LHFPL3: variants seen among roughly 807,000 people sequenced by gnomAD.
LHFPL3 encodes the protein LHFPL tetraspan subfamily member 3 protein.
A neutral mutation model predicts 19.3 loss-of-function variants in LHFPL3; 5 were observed. That is an observed-to-expected ratio of 0.26 (90% CI 0.14 to 0.54). The LOEUF (loss-of-function observed/expected upper bound fraction) is 0.54, where lower values mean the gene tolerates loss of function less well. LHFPL3 is among the 20% of genes least tolerant of loss of function. The probability of loss-of-function intolerance (pLI) is 0.94; values close to 1 mark genes in which losing one functional copy is unlikely to be tolerated. For missense variants in LHFPL3, 249 were observed against 307.4 expected (o/e 0.81, Z 1.42); for synonymous variants, 133 against 126.2 (o/e 1.05, Z -0.36).
chr7:104,868,306 A>G (rs1562820096), intron 2 of LHFPL3, among the ~76,000 whole-genome samples: 1 of 152,210 alleles, frequency 6.6e-6, no homozygotes, highest in Non-Finnish European at 1.5e-5. Flanking sequence ...TTTGCAGATG[A>G]CATGATTGTA....
At chr7:104,418,370 A>G (rs1756224616) in intron 1 of LHFPL3, among the ~76,000 whole-genome samples, 1 of 152,126 alleles carries the variant, frequency 6.6e-6, no homozygotes, top group South Asian at 2.1e-4. Flanking sequence ...CCATCTCTAT[A>G]AAAATTTAAA....
At chr7:104,699,206 G>A (rs143431854) in intron 1 of LHFPL3, among the ~76,000 whole-genome samples, 1 of 152,180 alleles carries the variant, frequency 6.6e-6, no homozygotes, top group Non-Finnish European at 1.5e-5. Context: ...TCCAAAAGAA[G>A]TGAAAGTAGG....
At chr7:104,567,663 A>C (rs1790149484) in intron 1 of LHFPL3, among the ~76,000 whole-genome samples, 1 of 152,232 alleles carries the variant, frequency 6.6e-6, no homozygotes, top group Non-Finnish European at 1.5e-5. Flanking sequence ...TCCACAGTGA[A>C]GAAAATGATG....
rs1333320174 is a variant in LHFPL3 at position 104,736,840 on chromosome 7, C to T, written c.611C>T (p.Ser204Leu). ...IIGILDALIL[S>L]FLAFVLGNRQ... is the part of the protein sequence containing the mutation. ...GGAATTTTGGATGCCCTGATCCTCT[C>T]ATTTCTAGCATTTGTGCTTGGTAAT... Residue 204 changes from serine to leucine, a missense_variant, in exon 2 of 3, where the codon TCA (serine) becomes TTA (leucine). By Grantham distance (145) the Ser-to-Leu change is moderately radical. Transcript: ENST00000424859. 1 of 1,612,740 alleles carries T rather than the reference C, an allele frequency of 6.2e-7. No homozygotes were observed. The highest frequency in any genetic ancestry group is 8.5e-7 in the Non-Finnish European group (1 of 1,179,450).
chr7:104,824,525 T>TATATATAATATATATAATTATATATA (rs1790770243), intron 2 of LHFPL3, among the ~76,000 whole-genome samples: 8 of 62,450 alleles, frequency 1.3e-4, no homozygotes, highest in Admixed American at 6.2e-4. Flanking sequence ...TATATTATTT[T>TATATATAATATATATAATTATATATA]ATATATAATA....
chr7:104,372,087 T>C (rs939855001), intron 1 of LHFPL3, among the ~76,000 whole-genome samples: 2 of 152,250 alleles, frequency 1.3e-5, no homozygotes, highest in Non-Finnish European at 2.9e-5. Context: ...AATTTGTTAC[T>C]GTTCCAAACA....
intron 1 of LHFPL3, among the ~76,000 whole-genome samples, chr7:104,441,868 C>T (rs1299373486): frequency 6.6e-6 from 1 of 152,176 alleles, no homozygotes; most frequent in South Asian, 2.1e-4. Flanking sequence ...GCCACTGCGC[C>T]TGGCTGAGAA....
At chr7:104,700,784 T>C (rs1490639261) in intron 1 of LHFPL3, among the ~76,000 whole-genome samples, 1 of 152,216 alleles carries the variant, frequency 6.6e-6, no homozygotes, top group Non-Finnish European at 1.5e-5. Flanking sequence ...TAGTTTTAAT[T>C]ACCTTTTTGT....
At chr7:104,690,455 C>G (rs1251277908) in intron 1 of LHFPL3, among the ~76,000 whole-genome samples, 2 of 152,246 alleles carry the variant, frequency 1.3e-5, no homozygotes, top group Non-Finnish European at 2.9e-5. Context: ...GATCACTTTT[C>G]CCTTCCATAA....
intron 1 of LHFPL3, among the ~76,000 whole-genome samples, chr7:104,428,399 T>C (rs1278147532): frequency 6.6e-6 from 1 of 151,730 alleles, no homozygotes. Context: ...AACAATGAAA[T>C]CTTCTTGATG....
intron 1 of LHFPL3, among the ~76,000 whole-genome samples, chr7:104,476,281 A>G (rs558548645): frequency 2.0e-5 from 3 of 152,350 alleles, no homozygotes; most frequent in East Asian, 1.9e-4. Context: ...CTTTCTTTGT[A>G]TAAAAGAATT....
At chr7:104,749,256 C>T (rs1794110010) in intron 2 of LHFPL3, among the ~76,000 whole-genome samples, 1 of 152,274 alleles carries the variant, frequency 6.6e-6, no homozygotes, top group African/African-American at 2.4e-5. Flanking sequence ...TTGGCAACCT[C>T]TGCTTGCAGA....
chr7:104,816,279 T>G (rs539249108), intron 2 of LHFPL3, among the ~76,000 whole-genome samples: 1 of 152,306 alleles, frequency 6.6e-6, no homozygotes, highest in Admixed American at 6.5e-5. Context: ...TCTAAAAATC[T>G]CATACCTATT....
At chr7:104,574,016 C>T (rs1790278637) in intron 1 of LHFPL3, among the ~76,000 whole-genome samples, 1 of 152,150 alleles carries the variant, frequency 6.6e-6, no homozygotes, top group Non-Finnish European at 1.5e-5. Flanking sequence ...TGTGCTGCAG[C>T]TTGGAAATAT....
intron 1 of LHFPL3, among the ~76,000 whole-genome samples, chr7:104,538,863 G>A (rs902831537): frequency 6.6e-6 from 1 of 152,124 alleles, no homozygotes; most frequent in Non-Finnish European, 1.5e-5. Flanking sequence ...TGTTACCCTA[G>A]GTTATACAAG....
intron 2 of LHFPL3, among the ~76,000 whole-genome samples, chr7:104,742,727 G>C (rs1208268717): frequency 6.6e-6 from 1 of 152,126 alleles, no homozygotes; most frequent in African/African-American, 2.4e-5. Flanking sequence ...TCAATTCTAT[G>C]GATATCTTCA....
intron 2 of LHFPL3, among the ~76,000 whole-genome samples, chr7:104,877,065 A>G (rs895983027): frequency 2.6e-5 from 4 of 152,168 alleles, no homozygotes; most frequent in African/African-American, 4.8e-5. Context: ...TAATAGGTGG[A>G]AATTGAACAA....
rs539538795 is a variant in LHFPL3 at position 104,573,188 on chromosome 7, G to A, written c.446-163487G>A. Among the ~76,000 whole-genome samples the A allele has an allele frequency of 1.5e-4, 23 of 152,220 alleles. No individual in the cohort carries two copies. In the East Asian group the frequency reaches 1.9e-3, roughly 13 times the overall value. On this transcript the variant is annotated intron_variant, in intron 1 of 2. Transcript: ENST00000424859. ...AGCACTTTGGGAGGCCAAGGCGGGC[G>A]GATCACCTGAGGTCAGGAGTGCAAG...
intron 1 of LHFPL3, among the ~76,000 whole-genome samples, chr7:104,684,907 C>T (rs894451131): frequency 6.6e-6 from 1 of 152,226 alleles, no homozygotes; most frequent in Non-Finnish European, 1.5e-5. Context: ...CCCAGGGCAC[C>T]ACTTGCCCTC....
Sources: allele counts gnomAD v4.1 joint callset (sites outside exome capture counted in the v4.1 genomes callset), GRCh38; gene constraint gnomAD v4.1.1; transcripts MANE v1.5; gene names NCBI Gene and HGNC (gene_info 2026-07-23, HGNC 2026-07-21).